Variants in PARS2 observed in about 807,000 individuals in gnomAD.
PARS2 encodes the protein prolyl-tRNA synthetase 2, mitochondrial.
In PARS2, 20 loss-of-function variants were observed where a neutral mutation model predicts 27.4. The ratio of observed to expected loss-of-function variants is 0.73; its 90% confidence interval spans 0.51 to 1.06. The LOEUF (loss-of-function observed/expected upper bound fraction) is 1.06, where lower values mean the gene tolerates loss of function less well. PARS2 is among the 50% of genes least tolerant of loss of function. The pLI, the probability that PARS2 is intolerant of heterozygous loss-of-function variation, is 0.00. For missense variants in PARS2, 585 were observed against 602.1 expected, an observed-to-expected ratio of 0.97 and a Z score of 0.30; for synonymous variants, 240 against 247.1, an observed-to-expected ratio of 0.97 and a Z score of 0.27.
At position 54,758,351 on chromosome 1, in the gene PARS2, C is replaced by G. The variant is rs759790403; in HGVS notation, c.811G>C (p.Ala271Pro). The G allele has an allele frequency of 1.2e-6, 2 of 1,613,670 alleles. No homozygotes were observed. Among genetic ancestry groups the G allele is most frequent in the East Asian group, 4.5e-5 (2 of 44,780 alleles). Residue 271 changes from alanine to proline, a missense_variant, in exon 2 of 2, where the codon GCC becomes CCC. By Grantham distance (27) the Ala-to-Pro change is conservative (BLOSUM62 -1). Transcript: ENST00000371279. Reference protein sequence around the residue: ...LPVDIGEDRLAICPRCSFSAN... With the variant: ...LPVDIGEDRLPICPRCSFSAN... ...GAGAAGCTGCAGCGGGGACAGATGG[C>G]AAGCCGGTCCTCTCCAATATCCACT...
chr1:54,757,079 C>T lies in PARS2; in HGVS notation c.*655G>A, dbSNP rs1646123688. On this transcript the variant is annotated 3_prime_UTR_variant, in exon 2 of 2. Coordinates refer to ENST00000371279, the MANE Select transcript of PARS2 (RefSeq NM_152268.4). ...CTGTCACACACCTCTCATGGAACCCCCTAGTGACACCTATAAGGACGTTAC... is the reference window on the plus strand; with the variant it reads ...CTGTCACACACCTCTCATGGAACCCTCTAGTGACACCTATAAGGACGTTAC... The T allele has an allele frequency of 6.6e-6, 1 of 152,084 alleles. No individual in the cohort carries two copies. The allele number at this position is 152,084 out of a possible 1,614,324, so 9.4% of individuals were successfully genotyped here.
In PARS2 at chr1:54,757,116, C is replaced by T. The variant is rs796848247; in HGVS notation, c.*618G>A. The T allele has an allele frequency of 5.3e-5, 8 of 152,336 alleles. No homozygotes were observed. Among genetic ancestry groups the T allele is most frequent in the African/African-American group, 1.9e-4 (8 of 41,540 alleles). 9.4% of individuals were successfully genotyped at this position (152,336 alleles called of 1,614,324 possible). ...TATAAGGACGTTACAGATCTAGTTC[C>T]AGACTTTACAGATCTAGTTCTATTT... On this transcript the variant is annotated 3_prime_UTR_variant, in exon 2 of 2. Transcript: ENST00000371279.
chr1:54,760,407 T>C (rs1646149196), intron 1 of PARS2, among the ~76,000 whole-genome samples: 1 of 152,206 alleles, frequency 6.6e-6, no homozygotes, highest in Non-Finnish European at 1.5e-5. Flanking sequence ...CCTCTCTGTG[T>C]CCCACGTTCA....
chr1:54,763,242 T>C (rs1646166883), intron 1 of PARS2, among the ~76,000 whole-genome samples: 1 of 152,192 alleles, frequency 6.6e-6, no homozygotes, highest in Admixed American at 6.5e-5. Context: ...TTTAGTATAC[T>C]GTATTAGAAT....
At chr1:54,760,777 G>A (rs1160604586) in intron 1 of PARS2, among the ~76,000 whole-genome samples, 4 of 150,992 alleles carry the variant, frequency 2.6e-5, no homozygotes, top group South Asian at 2.1e-4. Context: ...GCTTTGCCAC[G>A]CCCACTCTTT....
chr1:54,759,795 C>A (rs1401432157), intron 1 of PARS2, among the ~76,000 whole-genome samples: 1 of 152,096 alleles, frequency 6.6e-6, no homozygotes, highest in Non-Finnish European at 1.5e-5. Context: ...CACCTGAGGT[C>A]AGGAGTTTGA....
rs756763627 is a variant in PARS2, at chr1:54,758,617, T to A, written c.545A>T (p.Tyr182Phe). The A allele has an allele frequency of 6.2e-6, 10 of 1,614,212 alleles. No individual in the cohort carries two copies. Among genetic ancestry groups the A allele is most frequent in the Non-Finnish European group, 8.5e-6 (10 of 1,180,034 alleles). The change falls in exon 2 of 2, where the codon TAC becomes TTC. Residue 182 changes from tyrosine to phenylalanine, a missense_variant. Coordinates refer to ENST00000371279, the MANE Select transcript of PARS2 (RefSeq NM_152268.4). ...ATCCCGAAACTTCCTTGTCACTTGG[T>A]ACAGCAGGAAGGGAAGCTGCTTGTA... is the stretch of plus-strand genomic sequence containing the variant. ...LSYKQLPFLL[Y>F]QVTRKFRDEP... is the part of the protein sequence containing the mutation.
chr1:54,763,545 A>G (rs1198185637), intron 1 of PARS2, among the ~76,000 whole-genome samples: 2 of 152,250 alleles, frequency 1.3e-5, no homozygotes, highest in Admixed American at 6.5e-5. Context: ...AATTATCTGG[A>G]TAATTTAAAC....
Position 54,757,491 on chromosome 1 carries a change from T to C in PARS2, c.*243A>G, listed in dbSNP as rs1646126713. 5.0e-6 allele frequency: 2 copies of C among 400,144 alleles called. No individual in the cohort carries two copies. The highest frequency in any genetic ancestry group is 5.0e-5 in the South Asian group (1 of 19,966). 24.8% of individuals were successfully genotyped at this position (400,144 alleles called of 1,614,324 possible). A position where few individuals can be genotyped will look rare whatever the true frequency, so the allele number is the denominator to read the frequency against. Reference sequence around the variant, plus strand: ...CTCAGCCTCCTAGAAGCTTCCACAATGGAATACAAAAGGAAAGGTATATGG... The same window carrying C: ...CTCAGCCTCCTAGAAGCTTCCACAACGGAATACAAAAGGAAAGGTATATGG... On this transcript the variant is annotated 3_prime_UTR_variant, in exon 2 of 2. Transcript: ENST00000371279.
chr1:54,759,190 C>T lies in PARS2; in HGVS notation c.-29G>A, dbSNP rs1306387367. The T allele has an allele frequency of 1.3e-6, 2 of 1,525,402 alleles. No individual in the cohort carries two copies. The highest frequency in any genetic ancestry group is 2.8e-5 in the African/African-American group (2 of 72,650). 94.5% of individuals were successfully genotyped at this position (1,525,402 alleles called of 1,614,324 possible). On this transcript the variant is annotated splice_region_variant and 5_prime_UTR_variant, in exon 2 of 2. The change creates a new upstream start codon in the 5' untranslated region. Transcript: ENST00000371279. ...ACCCTGGCACCGGGAAGCACAGGCA[C>T]CTGAGGAAAAATGAGTTGTGTGAGA...
intron 1 of PARS2, among the ~76,000 whole-genome samples, chr1:54,762,284 A>G (rs922989061): frequency 6.6e-6 from 1 of 152,134 alleles, no homozygotes; most frequent in Non-Finnish European, 1.5e-5. Flanking sequence ...AATTACAGGC[A>G]TGTGCCACCA....
At chr1:54,760,113 T>A (rs1369749930) in intron 1 of PARS2, among the ~76,000 whole-genome samples, 1 of 152,112 alleles carries the variant, frequency 6.6e-6, no homozygotes, top group African/African-American at 2.4e-5. Context: ...CCTTTGCACA[T>A]CCCTCTCTTG....
chr1:54,758,728 C>CT lies in PARS2; in HGVS notation c.433dup (p.Arg145LysfsTer47). 3 of 1,614,214 alleles carry CT rather than the reference C, an allele frequency of 1.9e-6. No homozygotes were observed. The highest frequency in any genetic ancestry group is 2.5e-6 in the Non-Finnish European group (3 of 1,180,038). On this transcript the variant is annotated frameshift_variant, in exon 2 of 2. Coordinates refer to ENST00000371279, the MANE Select transcript of PARS2 (RefSeq NM_152268.4). LOFTEE classifies it high-confidence loss of function. ...GCAGTATTCCTTGCCATGCCTGTCTCTAAGTCTTAGCAGCTCTTTGCCCAT... is the reference window on the plus strand; with the variant it reads ...GCAGTATTCCTTGCCATGCCTGTCTCTTAAGTCTTAGCAGCTCTTTGCCCAT...
intron 1 of PARS2, among the ~76,000 whole-genome samples, chr1:54,761,848 G>A (rs971581307): frequency 6.6e-6 from 1 of 152,186 alleles, no homozygotes; most frequent in Admixed American, 6.5e-5. Flanking sequence ...CCCTAGTGTG[G>A]TGTTGTAGGA....
In PARS2 at chr1:54,758,784, C is replaced by T. The variant is rs1033319393; in HGVS notation, c.378G>A (p.Glu126=). 1 of 1,614,160 alleles carries T rather than the reference C, an allele frequency of 6.2e-7. No homozygotes were observed. Among genetic ancestry groups the T allele is most frequent in the Non-Finnish European group, 8.5e-7 (1 of 1,180,018 alleles). The part of the protein sequence containing the change: ...KVNMPSLSPA[E]LWQATNRWDL... ...CCCACCGGTTGGTGGCTTGCCAGAG[C>T]TCTGCCGGGCTGAGGCTGGGCATGT... Residue 126 remains glutamate (E), a synonymous_variant, in exon 2 of 2, where the codon GAG becomes GAA. Coordinates refer to ENST00000371279, the MANE Select transcript of PARS2 (RefSeq NM_152268.4).
In PARS2 at chr1:54,759,121, A is replaced by G; in HGVS notation, c.41T>C (p.Leu14Pro). 6.2e-7 allele frequency: 1 copy of G among 1,609,662 alleles called. No individual in the cohort carries two copies. The highest frequency in any genetic ancestry group is 8.5e-7 in the Non-Finnish European group (1 of 1,176,744). Residue 14 changes from leucine (L) to proline (P), a missense_variant, in exon 2 of 2, where the codon CTG becomes CCG. Leu to Pro is a moderately conservative substitution (Grantham distance 98, BLOSUM62 -3). Transcript: ENST00000371279. Reference protein sequence around the residue: ...LLTRCRALPALATCSRQLSGY... With the variant: ...LLTRCRALPAPATCSRQLSGY... ...AGAGAGCTGGCGGCTGCAGGTGGCC[A>G]GGGCGGGCAATGCTCTGCATCTTGT...
In PARS2 at chr1:54,758,510, C is replaced by T. The variant is rs1029901014; in HGVS notation, c.652G>A (p.Ala218Thr). The change falls in exon 2 of 2, where the codon GCT becomes ACT. Residue 218 changes from alanine to threonine, a missense_variant. Transcript: ENST00000371279. ...ACCAGGCTGTAGGTCTGCTGGGCAG[C>T]CTCTGGGGAGGAGTCAAAGGTGTAC... ...DMYTFDSSPE[A>T]AQQTYSLVCD... 6.2e-7 allele frequency: 1 copy of T among 1,614,130 alleles called. No individual in the cohort carries two copies. Among genetic ancestry groups the T allele is most frequent in the South Asian group, 1.1e-5 (1 of 91,078 alleles).
rs576987544 is a variant in PARS2, at chr1:54,759,176, G to A, written c.-15C>T. The A allele has an allele frequency of 2.3e-5, 36 of 1,558,212 alleles. No individual in the cohort carries two copies. Among genetic ancestry groups the A allele is most frequent in the African/African-American group, 6.8e-5 (5 of 73,714 alleles). On this transcript the variant is annotated 5_prime_UTR_variant, in exon 2 of 2. Coordinates refer to ENST00000371279, the MANE Select transcript of PARS2 (RefSeq NM_152268.4). ...AGCCCTTCCATGACACCCTGGCACC[G>A]GGAAGCACAGGCACCTGAGGAAAAA...
At position 54,758,700 on chromosome 1, in the gene PARS2, T is replaced by C; in HGVS notation, c.462A>G (p.Leu154=). ...TAATGGCTTCCTCGTGAGTTGGTCC[T>C]AAGCAGTATTCCTTGCCATGCCTGT... is the stretch of plus-strand genomic sequence containing the variant. ...LRDRHGKEYC[L]GPTHEEAITA... is the part of the protein sequence containing the mutation. The change falls in exon 2 of 2, where the codon TTA becomes TTG. Residue 154 remains leucine, a synonymous_variant. Coordinates refer to ENST00000371279, the MANE Select transcript of PARS2 (RefSeq NM_152268.4). The C allele has an allele frequency of 6.2e-7, 1 of 1,614,226 alleles. No homozygotes were observed. Among genetic ancestry groups the C allele is most frequent in the East Asian group, 2.2e-5 (1 of 44,890 alleles).
Sources: allele counts gnomAD v4.1 joint callset (sites outside exome capture counted in the v4.1 genomes callset), GRCh38; gene constraint gnomAD v4.1.1; transcripts MANE v1.5; gene names NCBI Gene and HGNC (gene_info 2026-07-23, HGNC 2026-07-21).